Variants in WTIP observed in about 807,000 individuals in gnomAD.
WTIP encodes Wilms tumor protein 1-interacting protein.
In WTIP, 23 loss-of-function variants were observed where a neutral mutation model predicts 41.7. The ratio of observed to expected loss-of-function variants is 0.55; its 90% CI spans 0.40 to 0.78. The LOEUF (loss-of-function observed/expected upper bound fraction) is 0.78, where lower values mean the gene tolerates loss of function less well. Ranked by LOEUF, WTIP falls within the 30% of genes least tolerant of loss-of-function variation. WTIP has a pLI of 0.00. For synonymous variants in WTIP, 314 were observed against 269.9 expected (o/e 1.16, Z -1.60); for missense variants, 619 against 610.5 (o/e 1.01, Z -0.15).
chr19:34,496,126 C>T (rs1435797837), intron 7 of WTIP, among the ~76,000 whole-genome samples: 3 of 152,114 alleles, frequency 2.0e-5, no homozygotes, highest in African/African-American at 7.2e-5. Context: ...CATTGCACTC[C>T]AGCCTGGGCA....
At position 34,500,348 on chromosome 19, in the gene WTIP, C is replaced by T; in HGVS notation, c.*79C>T. The T allele has an allele frequency of 7.0e-7, 1 of 1,426,542 alleles. No individual in the cohort carries two copies. Among genetic ancestry groups the T allele is most frequent in the Non-Finnish European group, 9.2e-7 (1 of 1,083,676 alleles). 88.4% of individuals were successfully genotyped at this position (1,426,542 alleles called of 1,614,324 possible). ...CCGCGTGGGTGGCCCTGGTCAGCGT[C>T]AGGGGAGCTCCCTCCAATCAGTTTC... On this transcript the variant is annotated 3_prime_UTR_variant, in exon 8 of 8. Coordinates refer to ENST00000590071, the MANE Select transcript of WTIP (RefSeq NM_001080436.2).
At position 34,505,680 on chromosome 19, in the gene WTIP, GC is replaced by G. The variant is rs2075908323; in HGVS notation, c.*5413del. ...GACTGTGTGGGATCTCTGCCTCCCT[GC>G]CTGAAGTTCCTGCCATTGGGACCTG... On this transcript the variant is annotated 3_prime_UTR_variant, in exon 8 of 8. Transcript: ENST00000590071. The G allele has an allele frequency of 6.6e-6, 1 of 152,500 alleles. No individual in the cohort carries two copies. Among genetic ancestry groups the G allele is most frequent in the Admixed American group, 6.5e-5 (1 of 15,286 alleles). 9.4% of individuals were successfully genotyped at this position (152,500 alleles called of 1,614,324 possible). A position where few individuals can be genotyped will look rare whatever the true frequency, so the allele number is the denominator to read the frequency against.
At chr19:34,497,117 C>T (rs1157199267) in intron 7 of WTIP, among the ~76,000 whole-genome samples, 1 of 152,140 alleles carries the variant, frequency 6.6e-6, no homozygotes, top group African/African-American at 2.4e-5. Flanking sequence ...CCCGCCTTGG[C>T]CTCCCAAAGT....
At chr19:34,489,197 T>TAAAAAAA (rs57433723) in intron 1 of WTIP, among the ~76,000 whole-genome samples, 1 of 61,960 alleles carries the variant, frequency 1.6e-5, no homozygotes. Flanking sequence ...AGACTCTATC[T>TAAAAAAA]AAAAAAAAAA....
chr19:34,497,279 G>A (rs755867531), intron 7 of WTIP, among the ~76,000 whole-genome samples: 7 of 152,176 alleles, frequency 4.6e-5, no homozygotes, highest in East Asian at 3.9e-4. Flanking sequence ...GCAGTCAGTC[G>A]GGTGTTGTGG....
intron 2 of WTIP, among the ~76,000 whole-genome samples, chr19:34,492,420 G>A (rs1195448065): frequency 2.0e-5 from 3 of 149,670 alleles, no homozygotes; most frequent in South Asian, 2.1e-4. Flanking sequence ...AGCTTGGGAG[G>A]TTGAGGCTGC....
intron 1 of WTIP, among the ~76,000 whole-genome samples, chr19:34,488,060 A>T (rs1189474781): frequency 6.7e-6 from 1 of 150,232 alleles, no homozygotes; most frequent in African/African-American, 2.4e-5. Context: ...AGCGACCCTC[A>T]TGTCTGTCTG....
In WTIP at chr19:34,506,375, CAG is replaced by C. The variant is rs1369040293; in HGVS notation, c.*6108_*6109del. ...TTCACTTCTTGCAAGTTGGTGAAAA[CAG>C]ACTCTTCCAGGGAATTTTAACTTTT... On this transcript the variant is annotated 3_prime_UTR_variant, in exon 8 of 8. Coordinates refer to ENST00000590071, the MANE Select transcript of WTIP (RefSeq NM_001080436.2). 2 of 152,192 alleles carry C rather than the reference CAG, an allele frequency of 1.3e-5. No individual in the cohort carries two copies. The highest frequency in any genetic ancestry group is 2.9e-5 in the Non-Finnish European group (2 of 68,042). 9.4% of individuals were successfully genotyped at this position (152,192 alleles called of 1,614,324 possible).
intron 1 of WTIP, among the ~76,000 whole-genome samples, chr19:34,490,084 C>A (rs2075817876): frequency 6.6e-6 from 1 of 152,304 alleles, no homozygotes; most frequent in Admixed American, 6.5e-5. Flanking sequence ...ATTTATAAAT[C>A]AAAAACCAAA....
chr19:34,499,701 C>CTTT (rs34005738), intron 7 of WTIP, among the ~76,000 whole-genome samples: 1 of 140,122 alleles, frequency 7.1e-6, no homozygotes. Context: ...GAGGAAGAGT[C>CTTT]TTTTTTTTTT....
rs576278809 is a variant in WTIP, at chr19:34,507,627, G to A, written c.*7358G>A. ...TCACCAGGGAGCTGGAGACCTGGAG[G>A]GGAGCCCTGATGTCTGGGACAGTGC... On this transcript the variant is annotated 3_prime_UTR_variant, in exon 8 of 8. Transcript: ENST00000590071. The A allele has an allele frequency of 1.9e-3, 296 of 152,408 alleles. 2 individuals are homozygous for A. Among genetic ancestry groups the A allele is most frequent in the Middle Eastern group, 0.014 (4 of 294 alleles). The allele number at this position is 152,408 out of a possible 1,614,324, so 9.4% of individuals were successfully genotyped here.
chr19:34,482,690 G>GGGTTCCGA (rs2075775244), intron 1 of WTIP, 49 bp downstream of exon 1: 1 of 1,219,216 alleles, frequency 8.2e-7, no homozygotes, highest in Non-Finnish European at 1.0e-6. Flanking sequence ...CTGGGGTCCG[G>GGGTTCCGA]GGTTCCGAGA....
rs919971025 is a variant in WTIP, at chr19:34,500,507, G to GC, written c.*243dup. The GC allele has an allele frequency of 3.7e-6, 2 of 538,716 alleles. No homozygotes were observed. Among genetic ancestry groups the GC allele is most frequent in the Admixed American group, 6.8e-5 (2 of 29,564 alleles). The allele number at this position is 538,716 out of a possible 1,614,324, so 33.4% of individuals were successfully genotyped here. On this transcript the variant is annotated 3_prime_UTR_variant, in exon 8 of 8. Transcript: ENST00000590071. ...CCCATCACCAGCTTTCCACTTGGAG[G>GC]CCCCCTGTGCCCTGCAGCCTCAGGG...
At chr19:34,499,014 G>T (rs1339366502) in intron 7 of WTIP, among the ~76,000 whole-genome samples, 1 of 151,766 alleles carries the variant, frequency 6.6e-6, no homozygotes, top group Non-Finnish European at 1.5e-5. Context: ...TTCAAGATCA[G>T]CCTGATCAGC....
At chr19:34,486,653 A>G (rs1599952808) in intron 1 of WTIP, among the ~76,000 whole-genome samples, 1 of 152,086 alleles carries the variant, frequency 6.6e-6, no homozygotes, top group South Asian at 2.1e-4. Context: ...GGCGTGAGCC[A>G]CCGCGCCTGG....
Position 34,481,845 on chromosome 19 carries a change from C to T in WTIP, c.-130C>T, listed in dbSNP as rs1256609710. On this transcript the variant is annotated 5_prime_UTR_variant, in exon 1 of 8. Transcript: ENST00000590071. ...CGGAACGACCCCGGCCCGGCGCCGGCCCCGCCCCGCCCCGCGCCCAGGGGT... is the reference window on the plus strand; with the variant it reads ...CGGAACGACCCCGGCCCGGCGCCGGTCCCGCCCCGCCCCGCGCCCAGGGGT... 2.5e-6 allele frequency: 1 copy of T among 394,836 alleles called. No individual in the cohort carries two copies. Among genetic ancestry groups the T allele is most frequent in the African/African-American group, 2.2e-5 (1 of 46,076 alleles). The allele number at this position is 394,836 out of a possible 1,614,324, so 24.5% of individuals were successfully genotyped here. A position where few individuals can be genotyped will look rare whatever the true frequency, so the allele number is the denominator to read the frequency against.
intron 7 of WTIP, among the ~76,000 whole-genome samples, chr19:34,496,876 TTTG>T (rs1599960955): frequency 7.3e-6 from 1 of 136,254 alleles, no homozygotes; most frequent in Non-Finnish European, 1.6e-5. Flanking sequence ...AATCTTTTTT[TTTG>T]TTGAGATGAG....
chr19:34,489,032 T>C (rs969803247), intron 1 of WTIP, among the ~76,000 whole-genome samples: 4 of 151,456 alleles, frequency 2.6e-5, no homozygotes, highest in African/African-American at 9.7e-5. Context: ...ACCCTATCTC[T>C]ACTAAAAATA....
Position 34,491,879 on chromosome 19 carries a change from C to G in WTIP, c.770-1158C>G, listed in dbSNP as rs186339812. Among the ~76,000 whole-genome samples the G allele has an allele frequency of 2.2e-3, 329 of 150,648 alleles. 2 individuals carry two copies. The highest frequency in any genetic ancestry group is 5.6e-3 in the Admixed American group (85 of 15,124). ...CAGGATGGTCTCGATCTCCTGACCT[C>G]GTGATCCATCTGCCTTGGCCTCCCA... On this transcript the variant is annotated intron_variant, in intron 2 of 7. Coordinates refer to ENST00000590071, the MANE Select transcript of WTIP (RefSeq NM_001080436.2).
Sources: allele counts gnomAD v4.1 joint callset (sites outside exome capture counted in the v4.1 genomes callset), GRCh38; gene constraint gnomAD v4.1.1; transcripts MANE v1.5; gene names NCBI Gene and HGNC (gene_info 2026-07-23, HGNC 2026-07-21).